Variants in RANBP17 observed in about 807,000 individuals in gnomAD.
The protein encoded by RANBP17 is RAN binding protein 17.
RANBP17 carries 158 observed loss-of-function variants against 141.2 expected under a neutral mutation model. That is an observed-to-expected ratio of 1.12 (90% CI 0.98 to 1.28). RANBP17 has a LOEUF of 1.28. RANBP17 is among the 50% of genes most tolerant of loss of function. The pLI, the probability that RANBP17 is intolerant of heterozygous loss-of-function variation, is 0.00. For synonymous variants in RANBP17, 430 were observed against 450.0 expected (o/e 0.96, Z 0.56); for missense variants, 1,438 against 1,290.7 (o/e 1.11, Z -1.75).
chr5:171,184,266 TGTG>T (rs1263623954), intron 18 of RANBP17, among the ~76,000 whole-genome samples: 2 of 152,234 alleles, frequency 1.3e-5, no homozygotes, highest in South Asian at 2.1e-4. Context: ...ATAAAGAAAA[TGTG>T]GTATATATAC....
intron 14 of RANBP17, among the ~76,000 whole-genome samples, chr5:171,089,948 C>T (rs11748939): frequency 0.024 from 3,616 of 152,294 alleles, 65 homozygotes; most frequent in Non-Finnish European, 0.038. Flanking sequence ...AGCTGTAGAC[C>T]GGAGCTGTTC....
At chr5:171,154,485 G>C (rs1367388371) in intron 14 of RANBP17, among the ~76,000 whole-genome samples, 1 of 152,048 alleles carries the variant, frequency 6.6e-6, no homozygotes, top group Non-Finnish European at 1.5e-5. Context: ...TCCCCATGTT[G>C]GCCAAGCTGG....
chr5:170,894,795 C>A (rs76053125), intron 4 of RANBP17, among the ~76,000 whole-genome samples: 3,465 of 152,016 alleles, frequency 0.023, 53 homozygotes, highest in Middle Eastern at 0.058. Flanking sequence ...TTCAAATTAC[C>A]GGTCTTCAGC....
At chr5:171,105,381 C>T (rs1271907697) in intron 14 of RANBP17, among the ~76,000 whole-genome samples, 1 of 54,276 alleles carries the variant, frequency 1.8e-5, no homozygotes, top group Non-Finnish European at 3.2e-5. Flanking sequence ...GACTCCGTCT[C>T]AAAAAAAAAA....
At chr5:171,073,561 G>C (rs1184940010) in intron 14 of RANBP17, among the ~76,000 whole-genome samples, 2 of 152,106 alleles carry the variant, frequency 1.3e-5, no homozygotes. Context: ...AGAGATTCAT[G>C]TTTATTTTAA....
chr5:171,201,478 A>G (rs1762291738), intron 19 of RANBP17, among the ~76,000 whole-genome samples: 1 of 152,202 alleles, frequency 6.6e-6, no homozygotes, highest in Non-Finnish European at 1.5e-5. Context: ...CACACAGTGC[A>G]CTCCGTGCTT....
At chr5:170,933,863 TGTG>T (rs1220570285) in intron 12 of RANBP17, among the ~76,000 whole-genome samples, 2 of 152,184 alleles carry the variant, frequency 1.3e-5, no homozygotes, top group Admixed American at 1.3e-4. Flanking sequence ...ATAAGTGCGA[TGTG>T]GTGCTGAGAA....
intron 14 of RANBP17, among the ~76,000 whole-genome samples, chr5:171,012,032 ATATTTGTTTAAACAAATTATAT>A (rs1780080383): frequency 6.6e-6 from 1 of 150,790 alleles, no homozygotes; most frequent in African/African-American, 2.4e-5. Context: ...AACAAATAAT[ATATTTGTTTAAACAAATTATAT>A]TATTTGTTTA....
At chr5:170,937,816 G>GTT (rs1774002113) in intron 12 of RANBP17, among the ~76,000 whole-genome samples, 1 of 152,146 alleles carries the variant, frequency 6.6e-6, no homozygotes, top group Non-Finnish European at 1.5e-5. Flanking sequence ...TTTGGATTGT[G>GTT]TTTAGCCAGC....
intron 16 of RANBP17, among the ~76,000 whole-genome samples, chr5:171,172,215 C>T (rs953871966): frequency 1.6e-4 from 24 of 151,778 alleles, no homozygotes; most frequent in African/African-American, 5.8e-4. Flanking sequence ...ATTAGACACC[C>T]ACTTTTGTGC....
At chr5:170,911,568 G>T (rs1450933905) in intron 7 of RANBP17, among the ~76,000 whole-genome samples, 2 of 151,564 alleles carry the variant, frequency 1.3e-5, no homozygotes, top group African/African-American at 4.8e-5. Context: ...CCTTAACTTT[G>T]ACTTCATTGG....
At chr5:170,929,783 T>A (rs1189703004) in intron 12 of RANBP17, among the ~76,000 whole-genome samples, 1 of 152,158 alleles carries the variant, frequency 6.6e-6, no homozygotes, top group African/African-American at 2.4e-5. Context: ...TGTGTAGTAT[T>A]GCTATTATTT....
At chr5:171,163,445 C>A (rs1455729178) in intron 14 of RANBP17, among the ~76,000 whole-genome samples, 1 of 152,178 alleles carries the variant, frequency 6.6e-6, no homozygotes, top group Non-Finnish European at 1.5e-5. Flanking sequence ...TTCTTTCTTA[C>A]ACCTCTCCTC....
At chr5:171,126,171 T>G (rs547822371) in intron 14 of RANBP17, among the ~76,000 whole-genome samples, 10 of 152,292 alleles carry the variant, frequency 6.6e-5, no homozygotes, top group Non-Finnish European at 1.2e-4. Context: ...AGAAGAACTT[T>G]GCAAACTGTA....
intron 14 of RANBP17, among the ~76,000 whole-genome samples, chr5:171,065,007 A>G (rs935943772): frequency 1.3e-5 from 2 of 152,182 alleles, no homozygotes; most frequent in African/African-American, 4.8e-5. Flanking sequence ...TTTCCAACGT[A>G]TCATCTTATT....
chr5:171,063,621 G>C (rs565986625), intron 14 of RANBP17, among the ~76,000 whole-genome samples: 3 of 152,194 alleles, frequency 2.0e-5, no homozygotes, highest in African/African-American at 4.8e-5. Context: ...GTCAGGGACC[G>C]ACTTGAGGAG....
intron 25 of RANBP17, among the ~76,000 whole-genome samples, chr5:171,282,884 G>A (rs62392999): frequency 0.11 from 16,469 of 152,124 alleles, 1,194 homozygotes; most frequent in Non-Finnish European, 0.16. Context: ...ATCACTGCCA[G>A]AAAGATTTAT....
intron 14 of RANBP17, among the ~76,000 whole-genome samples, chr5:171,070,358 C>CA (rs769297519): frequency 6.6e-6 from 1 of 152,070 alleles, no homozygotes; most frequent in Non-Finnish European, 1.5e-5. Flanking sequence ...AGTTTTAGCA[C>CA]AAAATGTATT....
intron 4 of RANBP17, among the ~76,000 whole-genome samples, chr5:170,893,758 A>G (rs1255603023): frequency 6.6e-6 from 1 of 151,386 alleles, no homozygotes; most frequent in Non-Finnish European, 1.5e-5. Context: ...GCGCCACTGC[A>G]CTCCAGCCTG....
Sources: allele counts gnomAD v4.1 joint callset (sites outside exome capture counted in the v4.1 genomes callset), GRCh38; gene constraint gnomAD v4.1.1; transcripts MANE v1.5; gene names NCBI Gene and HGNC (gene_info 2026-07-23, HGNC 2026-07-21).